The following INTS6L variants were observed in gnomAD, a reference collection of about 807,000 sequenced individuals.
INTS6L encodes integrator complex subunit 6 like, also known as integrator complex subunit 6-like.
A neutral mutation model predicts 64.7 loss-of-function variants in INTS6L; 18 were observed. The observed-to-expected ratio is 0.28, with a 90% CI of 0.19 to 0.41. The LOEUF (loss-of-function observed/expected upper bound fraction) is 0.41, where lower values mean the gene tolerates loss of function less well. INTS6L is among the 10% of genes least tolerant of loss of function. INTS6L has a pLI of 1.00. For synonymous variants in INTS6L, 227 were observed against 235.9 expected, an observed-to-expected ratio of 0.96 and a Z score of 0.34; for missense variants, 533 against 661.0, an observed-to-expected ratio of 0.81 and a Z score of 2.12.
chrX:135,554,333 A>G (rs947387044), intron 8 of INTS6L, among the ~76,000 whole-genome samples: 163 of 111,795 alleles, frequency 1.5e-3, no homozygotes, highest in African/African-American at 5.1e-3. Context: ...TTCTTTGATG[A>G]ATTTTTCCTC....
At chrX:135,528,872 C>CG (rs1163079607) in intron 2 of INTS6L, among the ~76,000 whole-genome samples, 1 of 72,589 alleles carries the variant, frequency 1.4e-5, no homozygotes, top group South Asian at 1.3e-3. Context: ...GAACACCCCC[C>CG]CCCCCGACCC....
chrX:135,550,713 T>C (rs1225764787), intron 7 of INTS6L, among the ~76,000 whole-genome samples: 1 of 111,783 alleles, frequency 8.9e-6, no homozygotes, highest in Non-Finnish European at 1.9e-5. Context: ...TTTTCAGAAG[T>C]GGCCATGAAA....
At chrX:135,575,838 T>C (rs2087212206) in intron 14 of INTS6L, among the ~76,000 whole-genome samples, 1 of 109,655 alleles carries the variant, frequency 9.1e-6, no homozygotes, top group Non-Finnish European at 1.9e-5. Context: ...TATACTGACT[T>C]GCCCATTAAA....
chrX:135,554,010 G>C (rs782301907), intron 8 of INTS6L, among the ~76,000 whole-genome samples: 1 of 111,527 alleles, frequency 9.0e-6, no homozygotes, highest in Non-Finnish European at 1.9e-5. Flanking sequence ...ATTAGTGTTA[G>C]TGAAAAAGAA....
intron 2 of INTS6L, among the ~76,000 whole-genome samples, chrX:135,530,843 A>G (rs1556504444): frequency 8.9e-6 from 1 of 112,232 alleles, no homozygotes; most frequent in Non-Finnish European, 1.9e-5. Context: ...GGTCTTAACC[A>G]GAGAAACATT....
intron 3 of INTS6L, 74 bp from the exon 4 acceptor site, chrX:135,546,306 G>T (rs1483383893): frequency 4.7e-6 from 3 of 645,135 alleles, no homozygotes. Flanking sequence ...GAGATCATTG[G>T]CAAGGCAAAT....
At chrX:135,528,364 AT>A (rs1402887427) in intron 2 of INTS6L, among the ~76,000 whole-genome samples, 2 of 111,697 alleles carry the variant, frequency 1.8e-5, no homozygotes, top group Non-Finnish European at 3.8e-5. Flanking sequence ...TTCCAGCTTG[AT>A]TTGTTAAAAA....
At chrX:135,548,177 C>T (rs1228472545) in intron 6 of INTS6L, among the ~76,000 whole-genome samples, 1 of 110,953 alleles carries the variant, frequency 9.0e-6, no homozygotes, top group East Asian at 2.8e-4. Context: ...CAGAAAGCTA[C>T]ACATTTCTGT....
rs146503275 is a variant in INTS6L at position 135,581,367 on chromosome X, A to G, written c.2589-161A>G. ...AGCCTCAGGTAGGCTTGGGCCCTCA[A>G]TTGCCACTATTGGTACTTGCTCTAA... On this transcript the variant is annotated intron_variant, in intron 17 of 17. Coordinates refer to ENST00000639893, the MANE Select transcript of INTS6L (RefSeq NM_001351601.3). 6.9e-3 allele frequency among the ~76,000 whole-genome samples: 770 copies of G among 112,010 alleles called. 5 individuals carry two copies. Among genetic ancestry groups the G allele is most frequent in the African/African-American group, 0.022 (694 of 30,869 alleles).
intron 2 of INTS6L, among the ~76,000 whole-genome samples, chrX:135,534,344 ACTGT>A (rs1178244334): frequency 1.8e-5 from 2 of 110,757 alleles, no homozygotes; most frequent in African/African-American, 6.6e-5. Flanking sequence ...TGAGTCTTTA[ACTGT>A]CTGCTGAAGA....
intron 2 of INTS6L, among the ~76,000 whole-genome samples, chrX:135,524,090 T>C (rs1187463106): frequency 8.9e-6 from 1 of 111,846 alleles, no homozygotes; most frequent in Non-Finnish European, 1.9e-5. Context: ...TAGCATTTTC[T>C]TTTTCCGAGT....
intron 13 of INTS6L, 89 bp from the exon 14 acceptor site, chrX:135,574,995 C>A: frequency 1.0e-6 from 1 of 992,910 alleles, no homozygotes; most frequent in South Asian, 2.3e-5. Flanking sequence ...CCAAGACACA[C>A]ACTGCTAAAC....
At chrX:135,566,216 T>C (rs1173583439) in intron 9 of INTS6L, among the ~76,000 whole-genome samples, 5 of 112,070 alleles carry the variant, frequency 4.5e-5, no homozygotes, top group African/African-American at 1.3e-4. Context: ...GGGATAATGA[T>C]AGTACTTACC....
intron 9 of INTS6L, among the ~76,000 whole-genome samples, chrX:135,564,402 C>T (rs2086876849): frequency 9.0e-6 from 1 of 110,886 alleles, no homozygotes; most frequent in South Asian, 3.8e-4. Context: ...TCTCTATTAT[C>T]TTGGTGTTGG....
intron 6 of INTS6L, among the ~76,000 whole-genome samples, chrX:135,548,883 G>A (rs1252007988): frequency 1.8e-5 from 2 of 111,964 alleles, no homozygotes; most frequent in Non-Finnish European, 3.8e-5. Context: ...GCCCTGATTT[G>A]AGGCGGGGGG....
chrX:135,554,570 A>ACCC (rs1556518389), intron 8 of INTS6L, among the ~76,000 whole-genome samples: 3 of 111,906 alleles, frequency 2.7e-5, no homozygotes, highest in Non-Finnish European at 3.8e-5. Flanking sequence ...TATTGGTAGT[A>ACCC]CTGAGAACTA....
chrX:135,582,420 G>A lies in INTS6L; in HGVS notation c.*784G>A, dbSNP rs910539074. On this transcript the variant is annotated 3_prime_UTR_variant, in exon 18 of 18. Transcript: ENST00000639893. The stretch of plus-strand genomic sequence containing the variant: ...AGTTTATATGGAGCAGTATTGTTAT[G>A]TTTGTATGAATTTGCAAAAATTAAA... The A allele has an allele frequency of 1.8e-5, 2 of 112,267 alleles. No homozygotes were observed. Among genetic ancestry groups the A allele is most frequent in the Non-Finnish European group, 3.8e-5 (2 of 53,241 alleles). The allele number at this position is 112,267 out of a possible 1,213,427, so 9.3% of individuals were successfully genotyped here.
At position 135,562,757 on chromosome X, in the gene INTS6L, G is replaced by C. The variant is rs782560681; in HGVS notation, c.1192+6457G>C. ...TAATGTATCTTTGCTAATTTTCTTT[G>C]CTTTTAAGTCTGCTTTATCTGATAC... On this transcript the variant is annotated intron_variant, in intron 9 of 17. Transcript: ENST00000639893. Among the ~76,000 whole-genome samples the C allele has an allele frequency of 3.6e-5, 4 of 111,686 alleles. No individual in the cohort carries two copies. The East Asian group carries it at 8.4e-4, about 23-fold the overall frequency.
chrX:135,569,272 G>A, intron 9 of INTS6L, 65 bp from the exon 10 acceptor site: 17 of 671,677 alleles, frequency 2.5e-5, no homozygotes, highest in Non-Finnish European at 3.6e-5. Context: ...TCTAGATGTG[G>A]GTTGCTTGAT....
Sources: allele counts gnomAD v4.1 joint callset (sites outside exome capture counted in the v4.1 genomes callset), GRCh38; gene constraint gnomAD v4.1.1; transcripts MANE v1.5; gene names NCBI Gene and HGNC (gene_info 2026-07-23, HGNC 2026-07-21).